The following SGCZ variants were observed in gnomAD, a reference collection of about 807,000 sequenced individuals.
SGCZ encodes the protein sarcoglycan zeta.
A neutral mutation model predicts 41.3 loss-of-function variants in SGCZ; 40 were observed. That is an observed-to-expected ratio of 0.97 (90% confidence interval 0.75 to 1.26). SGCZ has a LOEUF of 1.26. SGCZ is among the 50% of genes most tolerant of loss of function. SGCZ has a pLI of 0.00. For synonymous variants in SGCZ, 206 were observed against 137.5 expected, an observed-to-expected ratio of 1.50 and a Z score of -3.49; for missense variants, 552 against 369.8, an observed-to-expected ratio of 1.49 and a Z score of -4.04.
chr8:15,029,291 T>C (rs1803570833), intron 1 of SGCZ, among the ~76,000 whole-genome samples: 1 of 152,034 alleles, frequency 6.6e-6, no homozygotes, highest in African/African-American at 2.4e-5. Flanking sequence ...TAGCAGTGGA[T>C]TTTATATATA....
chr8:14,614,668 G>T (rs576694753), intron 1 of SGCZ, among the ~76,000 whole-genome samples: 11 of 152,134 alleles, frequency 7.2e-5, no homozygotes, highest in African/African-American at 2.6e-4. Context: ...GTTGGAGTTA[G>T]AAAATTTTTT....
chr8:14,259,626 T>C (rs1404445138), intron 3 of SGCZ, among the ~76,000 whole-genome samples: 1 of 132,796 alleles, frequency 7.5e-6, no homozygotes, highest in Non-Finnish European at 1.8e-5. Context: ...GTTGTAGATA[T>C]GCGGCGTTAT....
chr8:14,448,948 T>A (rs1029171835), intron 2 of SGCZ, among the ~76,000 whole-genome samples: 1 of 152,202 alleles, frequency 6.6e-6, no homozygotes, highest in Non-Finnish European at 1.5e-5. Flanking sequence ...CAAAGATTAA[T>A]GAGAATGACC....
intron 1 of SGCZ, among the ~76,000 whole-genome samples, chr8:14,680,136 T>A (rs1808396376): frequency 6.6e-6 from 1 of 152,084 alleles, no homozygotes; most frequent in African/African-American, 2.4e-5. Flanking sequence ...TATGTGATAT[T>A]CTGGAAAGTG....
At chr8:15,041,821 A>G (rs1804107161) in intron 1 of SGCZ, among the ~76,000 whole-genome samples, 1 of 152,002 alleles carries the variant, frequency 6.6e-6, no homozygotes, top group Non-Finnish European at 1.5e-5. Context: ...AAATCAGAAA[A>G]TATAACATAT....
chr8:14,550,343 A>G (rs1428006691), intron 2 of SGCZ, among the ~76,000 whole-genome samples: 3 of 149,290 alleles, frequency 2.0e-5, no homozygotes, highest in Non-Finnish European at 3.0e-5. Context: ...TATTTTATAT[A>G]AATTATATAA....
intron 1 of SGCZ, among the ~76,000 whole-genome samples, chr8:14,800,432 T>C (rs891954545): frequency 2.0e-5 from 3 of 152,150 alleles, no homozygotes; most frequent in African/African-American, 7.2e-5. Context: ...TATTTTTTAT[T>C]TTGCATCTCT....
intron 1 of SGCZ, among the ~76,000 whole-genome samples, chr8:14,782,306 C>T (rs1276992870): frequency 1.3e-5 from 2 of 152,144 alleles, no homozygotes; most frequent in African/African-American, 2.4e-5. Context: ...ATACAGTGTA[C>T]TTTGTGTGCA....
chr8:14,877,885 T>C (rs982112920), intron 1 of SGCZ, among the ~76,000 whole-genome samples: 53 of 152,174 alleles, frequency 3.5e-4, no homozygotes, highest in African/African-American at 1.3e-3. Context: ...TTATTACATT[T>C]ATGCAAAAGG....
intron 1 of SGCZ, among the ~76,000 whole-genome samples, chr8:14,716,363 C>G (rs1045104825): frequency 6.6e-6 from 1 of 151,972 alleles, no homozygotes; most frequent in Non-Finnish European, 1.5e-5. Flanking sequence ...CACACACACA[C>G]TTAAAACTGT....
At chr8:14,443,425 A>G (rs1800333292) in intron 2 of SGCZ, among the ~76,000 whole-genome samples, 2 of 152,190 alleles carry the variant, frequency 1.3e-5, no homozygotes, top group Admixed American at 1.3e-4. Flanking sequence ...ACAAGGCTAC[A>G]GTAACCAAAA....
At chr8:14,628,948 C>T (rs927503352) in intron 1 of SGCZ, among the ~76,000 whole-genome samples, 1 of 152,042 alleles carries the variant, frequency 6.6e-6, no homozygotes, top group Admixed American at 6.6e-5. Context: ...TGTGATTCAC[C>T]CCATTTCTGA....
Position 14,102,441 on chromosome 8 carries a change from C to A in SGCZ, c.679G>T (p.Ala227Ser). ...GTGGCCTTGAAGTCTCCTGCAGCAG[C>A]ACTCACCTGGACCCCACGGGGAGCT... is the stretch of plus-strand genomic sequence containing the variant. ...MEAPRGVQVS[A>S]AAGDFKATCR... The change falls in exon 7 of 8, where the codon GCT (alanine) becomes TCT (serine). Residue 227 changes from alanine to serine, a missense_variant. Physicochemically the swap from Ala to Ser is moderately conservative, Grantham distance 99. Coordinates refer to ENST00000382080, the MANE Select transcript of SGCZ (RefSeq NM_139167.4). 6.5e-7 allele frequency: 1 copy of A among 1,536,632 alleles called. No individual in the cohort carries two copies. The highest frequency in any genetic ancestry group is 8.8e-7 in the Non-Finnish European group (1 of 1,130,860).
intron 2 of SGCZ, among the ~76,000 whole-genome samples, chr8:14,338,485 T>A (rs12550119): frequency 2.6e-5 from 4 of 152,132 alleles, no homozygotes; most frequent in Non-Finnish European, 4.4e-5. Flanking sequence ...AATATCCTGC[T>A]TGGGGGCAGG....
chr8:14,243,462 T>A (rs1439759357), intron 3 of SGCZ, among the ~76,000 whole-genome samples: 2 of 152,182 alleles, frequency 1.3e-5, no homozygotes, highest in Non-Finnish European at 2.9e-5. Context: ...AAAAATACTT[T>A]TAAAACATAT....
At chr8:14,177,145 C>T (rs987147162) in intron 4 of SGCZ, among the ~76,000 whole-genome samples, 10 of 152,036 alleles carry the variant, frequency 6.6e-5, no homozygotes, top group African/African-American at 2.4e-5. Context: ...GGAGTTGCCT[C>T]GCTGCTTGAC....
chr8:14,811,998 A>C (rs1435888950), intron 1 of SGCZ, among the ~76,000 whole-genome samples: 1 of 152,026 alleles, frequency 6.6e-6, no homozygotes, highest in Non-Finnish European at 1.5e-5. Flanking sequence ...CAACTCAGGA[A>C]TGGGTATGGG....
chr8:15,229,631 G>A (rs181317336), intron 1 of SGCZ, among the ~76,000 whole-genome samples: 72 of 152,314 alleles, frequency 4.7e-4, no homozygotes, highest in African/African-American at 1.4e-3. Flanking sequence ...AAGAAATCTT[G>A]AGGTAAGCGA....
At chr8:14,965,325 G>C (rs1489437143) in intron 1 of SGCZ, among the ~76,000 whole-genome samples, 1 of 152,090 alleles carries the variant, frequency 6.6e-6, no homozygotes, top group Admixed American at 6.6e-5. Context: ...CTAGAGTGAA[G>C]TTTCCAGAGC....
Sources: gnomAD v4.1 joint callset for allele counts (sites outside exome capture counted in the v4.1 genomes callset) on GRCh38, gnomAD v4.1.1 for gene constraint, MANE v1.5 for transcripts, NCBI Gene and HGNC (gene_info 2026-07-23, HGNC 2026-07-21) for gene names.